COL2A1: variants seen among roughly 807,000 people sequenced by gnomAD.
COL2A1 encodes collagen alpha-1(II) chain.
In COL2A1, 28 loss-of-function variants were observed where a neutral mutation model predicts 204.5. The ratio of observed to expected loss-of-function variants is 0.14; its 90% CI spans 0.10 to 0.19. The LOEUF is 0.19. Among genes scored for constraint, COL2A1 ranks in the 10% least tolerant of loss-of-function variants. COL2A1 has a pLI of 1.00. For synonymous variants in COL2A1, 708 were observed against 718.7 expected (o/e 0.99, Z 0.24); for missense variants, 1,388 against 2,027.5 (o/e 0.68, Z 6.06).
Position 47,985,607 on chromosome 12 carries a change from G to A in COL2A1, c.1681-20C>T. On this transcript the variant is annotated intron_variant, in intron 25 of 53. Coordinates refer to ENST00000380518, the MANE Select transcript of COL2A1 (RefSeq NM_001844.5). The stretch of plus-strand genomic sequence containing the variant: ...GAGACCCTTTGTTCAGGAGAGAGAA[G>A]AGGGTGGGGTCAGGAGCCGGCCCCA... 1 of 1,613,904 alleles carries A rather than the reference G, an allele frequency of 6.2e-7. No individual in the cohort carries two copies. Among genetic ancestry groups the A allele is most frequent in the Non-Finnish European group, 8.5e-7 (1 of 1,179,978 alleles).
At chr12:47,994,383 C>T (rs777947939) in intron 12 of COL2A1, 41 bp downstream of exon 12, 28 of 1,611,442 alleles carry the variant, frequency 1.7e-5, no homozygotes, top group East Asian at 4.5e-5. Context: ...GGGAGGGAGA[C>T]GCTAGGAAAG....
chr12:47,992,893 G>A lies in COL2A1; in HGVS notation c.1008C>T (p.Gly336=). ...AATTACTCACCGCAGCGCCAGCAGG[G>A]CCAGTCCGTCCTCTTTCACCAGGCA... ...RGLPGERGRT[G]PAGAAGARGN... Residue 336 remains glycine, a synonymous_variant, in exon 16 of 54, where the codon GGC becomes GGT. Coordinates refer to ENST00000380518, the MANE Select transcript of COL2A1 (RefSeq NM_001844.5). The A allele has an allele frequency of 6.2e-7, 1 of 1,614,176 alleles. No homozygotes were observed. Among genetic ancestry groups the A allele is most frequent in the Non-Finnish European group, 8.5e-7 (1 of 1,180,006 alleles).
At chr12:47,998,788 A>G (rs1247642629) in intron 2 of COL2A1, 1 of 261,454 alleles carries the variant, frequency 3.8e-6, no homozygotes, top group East Asian at 8.2e-5. Context: ...CAGGGTAGGG[A>G]GCCGTTCCCG....
In COL2A1 at chr12:47,975,406, A is replaced by G; in HGVS notation, c.3797T>C (p.Ile1266Thr). ...GCCCTCGGGGCTGCGGATGCTCTCAATCTGGTTGTTGAGGGACTTGAGTGT... is the reference window on the plus strand; with the variant it reads ...GCCCTCGGGGCTGCGGATGCTCTCAGTCTGGTTGTTGAGGGACTTGAGTGT... ...DATLKSLNNQ[I>T]ESIRSPEGSR... is the part of the protein sequence containing the mutation. Residue 1266 changes from isoleucine to threonine, a missense_variant, in exon 51 of 54, where the codon ATT becomes ACT. Physicochemically the swap from Ile to Thr is moderately conservative, Grantham distance 89. This residue lies in a region of COL2A1 where 303 missense variants were observed against 369.2 expected (regional missense o/e 0.82). Coordinates refer to ENST00000380518, the MANE Select transcript of COL2A1 (RefSeq NM_001844.5). The G allele has an allele frequency of 1.2e-6, 2 of 1,614,110 alleles. No individual in the cohort carries two copies. Among genetic ancestry groups the G allele is most frequent in the Non-Finnish European group, 1.7e-6 (2 of 1,180,006 alleles).
In COL2A1 at chr12:47,979,541, A is replaced by G; in HGVS notation, c.2703T>C (p.Ala901=). 2 of 1,612,834 alleles carry G rather than the reference A, an allele frequency of 1.2e-6. No homozygotes were observed. The highest frequency in any genetic ancestry group is 2.2e-5 in the South Asian group (2 of 91,058). ...AGCCTGGGGGTCCAACGCGGCCAGC[A>G]GCTCCAGGGAATCCAGTGGCTCCCT... ...GPPGATGFPG[A]AGRVGPPGSN... is the part of the protein sequence containing the mutation. The change falls in exon 41 of 54, where the codon GCT becomes GCC. Residue 901 remains alanine, a synonymous_variant. Coordinates refer to ENST00000380518, the MANE Select transcript of COL2A1 (RefSeq NM_001844.5).
At position 47,993,884 on chromosome 12, in the gene COL2A1, T is replaced by C. The variant is rs1388109464; in HGVS notation, c.871-22A>G. ...AACCCTAGGGAACAAGAGAAAATGTTCAATCAGACTTCTGGGAAACCCAAG... is the reference window on the plus strand; with the variant it reads ...AACCCTAGGGAACAAGAGAAAATGTCCAATCAGACTTCTGGGAAACCCAAG... On this transcript the variant is annotated intron_variant, in intron 13 of 53. Coordinates refer to ENST00000380518, the MANE Select transcript of COL2A1 (RefSeq NM_001844.5). 1.9e-6 allele frequency: 3 copies of C among 1,613,996 alleles called. No individual in the cohort carries two copies. In the African/African-American group the frequency reaches 4.0e-5, roughly 22 times the overall value.
intron 22 of COL2A1, 114 bp downstream of exon 22, chr12:47,986,721 A>T: frequency 8.2e-7 from 1 of 1,218,336 alleles, no homozygotes; most frequent in Non-Finnish European, 1.2e-6. Context: ...ATCTGAAAGG[A>T]CCCAGATTGG....
In COL2A1 at chr12:47,976,552, G is replaced by T; in HGVS notation, c.3451C>A (p.Gln1151Lys). ...GGACCAGCAGGACCAGAAGCACCTT[G>T]GTCTCCAGAAGGACCCTGTGTAGAA... ...LPGPPGPSGD[Q>K]GASGPAGPSG... is the part of the protein sequence containing the mutation. The change falls in exon 49 of 54, where the codon CAA (glutamine) becomes AAA (lysine). Residue 1151 changes from glutamine to lysine, a missense_variant. Around this residue, in one of 3 missense-constraint regions of COL2A1, gnomAD observed 884 missense variants for 1,415.8 expected, o/e 0.62. Transcript: ENST00000380518. This position sits in a 1 kb window ranked among gnomAD's most constrained non-coding sequence, Gnocchi z 4.3. 6.2e-7 allele frequency: 1 copy of T among 1,614,208 alleles called. No individual in the cohort carries two copies. The highest frequency in any genetic ancestry group is 8.5e-7 in the Non-Finnish European group (1 of 1,180,026).
At position 47,978,093 on chromosome 12, in the gene COL2A1, G is replaced by A. The variant is rs1938822705; in HGVS notation, c.3028C>T (p.Pro1010Ser). ...PSGEPGKQGAPGASGDRGPPG... is the reference protein window; with the variant it reads ...PSGEPGKQGASGASGDRGPPG... ...GGACCTCTGTCTCCAGATGCTCCAG[G>A]AGCACCCTGCTTGCCGGGCTCACCC... The change falls in exon 44 of 54, where the codon CCT (proline) becomes TCT (serine). Residue 1010 changes from proline to serine, a missense_variant. Coordinates refer to ENST00000380518, the MANE Select transcript of COL2A1 (RefSeq NM_001844.5). This position sits in a 1 kb window ranked among gnomAD's most constrained non-coding sequence, Gnocchi z 5.5. 6.2e-7 allele frequency: 1 copy of A among 1,613,576 alleles called. No homozygotes were observed. The highest frequency in any genetic ancestry group is 1.3e-5 in the African/African-American group (1 of 74,924).
Position 47,975,625 on chromosome 12 carries a change from G to A in COL2A1, c.3598-20C>T, listed in dbSNP as rs772459210. ...AGGACCCTGCAGCAGGAAACAGAGAGATCAGCCAGGATTGTGTGAAAGTGC... is the reference window on the plus strand; with the variant it reads ...AGGACCCTGCAGCAGGAAACAGAGAAATCAGCCAGGATTGTGTGAAAGTGC... On this transcript the variant is annotated intron_variant, in intron 50 of 53. Coordinates refer to ENST00000380518, the MANE Select transcript of COL2A1 (RefSeq NM_001844.5). The A allele has an allele frequency of 1.0e-5, 16 of 1,597,438 alleles. No homozygotes were observed. The highest frequency in any genetic ancestry group is 1.4e-5 in the Non-Finnish European group (16 of 1,179,158).
chr12:47,997,549 T>C (rs927138774), intron 7 of COL2A1, 57 bp downstream of exon 7: 1 of 1,613,148 alleles, frequency 6.2e-7, no homozygotes, highest in African/African-American at 1.3e-5. Flanking sequence ...AAGCAGCAAT[T>C]TAAAAGCCAC....
intron 18 of COL2A1, among the ~76,000 whole-genome samples, 172 bp downstream of exon 18, chr12:47,989,056 C>T (rs541536445): frequency 4.6e-5 from 7 of 152,300 alleles, no homozygotes; most frequent in African/African-American, 1.7e-4. Context: ...GGTGAGACTG[C>T]GAGTGTCTGG....
chr12:47,999,066 T>C (rs540458546), intron 2 of COL2A1, among the ~76,000 whole-genome samples: 1 of 152,256 alleles, frequency 6.6e-6, no homozygotes, highest in African/African-American at 2.4e-5. Flanking sequence ...CCAGTGTTGG[T>C]GAAGTGTTAA....
At chr12:47,989,730 C>T (rs1939610609) in intron 17 of COL2A1, 31 bp downstream of exon 17, 1 of 1,609,970 alleles carries the variant, frequency 6.2e-7, no homozygotes, top group Non-Finnish European at 8.5e-7. Context: ...AGCACAGCAA[C>T]AATGACCTGC....
intron 22 of COL2A1, 98 bp downstream of exon 22, chr12:47,986,736 TA>T: frequency 7.3e-7 from 1 of 1,368,318 alleles, no homozygotes; most frequent in Non-Finnish European, 1.0e-6. Flanking sequence ...GATTGGGGGA[TA>T]GAGCCCTGGA....
chr12:47,993,612 AC>A, intron 14 of COL2A1, 110 bp from the exon 15 acceptor site: 4 of 1,145,960 alleles, frequency 3.5e-6, no homozygotes, highest in Non-Finnish European at 5.3e-6. Flanking sequence ...ACTGACACAA[AC>A]TTCAGTCCTG....
intron 16 of COL2A1, among the ~76,000 whole-genome samples, 158 bp from the exon 17 acceptor site, chr12:47,989,963 G>A (rs1367630521): frequency 1.3e-5 from 2 of 152,074 alleles, no homozygotes; most frequent in Admixed American, 6.5e-5. Context: ...TTTGGTGTCT[G>A]TGCGAGTGGG....
Position 47,986,411 on chromosome 12 carries a change from G to A in COL2A1, c.1452C>T (p.Pro484=), listed in dbSNP as rs755093756. Residue 484 remains proline (P), a synonymous_variant, in exon 23 of 54, where the codon CCC becomes CCT. Transcript: ENST00000380518. ...CACCTCTCTTGCCTTCTTCACCAGC[G>A]GGTCCAGGGGCTCCCTGGGGGCCAG... is the stretch of plus-strand genomic sequence containing the variant. ...GPAGPQGAPG[P]AGEEGKRGAR... 1.3e-5 allele frequency: 21 copies of A among 1,562,750 alleles called. No homozygotes were observed. Among genetic ancestry groups the A allele is most frequent in the East Asian group, 2.4e-5 (1 of 41,912 alleles).
In COL2A1 at chr12:47,999,653, T is replaced by TTTTTTTTTTTAA; in HGVS notation, c.292+265_292+266insTTAAAAAAAAAA. 2 of 179,328 alleles carry TTTTTTTTTTTAA rather than the reference T, an allele frequency of 1.1e-5. 1 individual carries two copies. The highest frequency in any genetic ancestry group is 2.3e-5 in the Non-Finnish European group (2 of 85,970). The allele number at this position is 179,328 out of a possible 1,614,324, so 11.1% of individuals were successfully genotyped here. A position where few individuals can be genotyped will look rare whatever the true frequency, so the allele number is the denominator to read the frequency against. On this transcript the variant is annotated intron_variant, in intron 2 of 53. Coordinates refer to ENST00000380518, the MANE Select transcript of COL2A1 (RefSeq NM_001844.5). The stretch of plus-strand genomic sequence containing the variant: ...GAGAGGATTTTTTTTTTTTTTTTTT[T>TTTTTTTTTTTAA]GTAGAATCACATCTGTCCTTCATGT...
Sources: allele counts gnomAD v4.1 joint callset (sites outside exome capture counted in the v4.1 genomes callset), GRCh38; gene constraint gnomAD v4.1.1; regional missense constraint gnomAD v4.1.1; non-coding constraint Gnocchi (gnomAD v3.1); transcripts MANE v1.5; gene names NCBI Gene and HGNC (gene_info 2026-07-23, HGNC 2026-07-21).